The following NIF3L1 variants were observed in gnomAD, a reference collection of about 807,000 sequenced individuals.
The protein encoded by NIF3L1 is NGG1 interacting factor 3 like 1, also known as NIF3-like protein 1.
NIF3L1 carries 26 observed loss-of-function variants against 35.0 expected under a neutral mutation model. The ratio of observed to expected loss-of-function variants is 0.74; its 90% CI spans 0.54 to 1.03. NIF3L1 has a LOEUF of 1.03. Ranked by LOEUF, NIF3L1 falls within the 50% of genes least tolerant of loss-of-function variation. NIF3L1 has a pLI of 0.00. For synonymous variants in NIF3L1, 157 were observed against 178.9 expected (o/e 0.88, Z 0.98); for missense variants, 449 against 466.3 (o/e 0.96, Z 0.34).
chr2:200,893,595 G>A (rs1042457014), intron 3 of NIF3L1, among the ~76,000 whole-genome samples, 187 bp downstream of exon 3: 3 of 152,174 alleles, frequency 2.0e-5, no homozygotes, highest in Middle Eastern at 6.8e-3. Flanking sequence ...CAATAAAAAC[G>A]GTAAGTAACA....
At chr2:200,901,428 G>A (rs1464030704) in intron 6 of NIF3L1, among the ~76,000 whole-genome samples, 4 of 152,030 alleles carry the variant, frequency 2.6e-5, no homozygotes, top group Non-Finnish European at 4.4e-5. Context: ...ATAATGATAC[G>A]TGCATAAGAT....
chr2:200,899,673 T>C (rs2124897095), intron 6 of NIF3L1, among the ~76,000 whole-genome samples: 1 of 152,322 alleles, frequency 6.6e-6, no homozygotes, highest in South Asian at 2.1e-4. Flanking sequence ...ATCTCAAAAG[T>C]TAATGGTCAG....
At position 200,889,393 on chromosome 2, in the gene NIF3L1, T is replaced by C. The variant is rs1195098347; in HGVS notation, c.-286T>C. ...GACGCAGAGAAGTTTCCGGGACTGGTGAGTAGTGGGCGATTTAAAAACCCG... is the reference window on the plus strand; with the variant it reads ...GACGCAGAGAAGTTTCCGGGACTGGCGAGTAGTGGGCGATTTAAAAACCCG... On this transcript the variant is annotated 5_prime_UTR_variant, in exon 1 of 7. Transcript: ENST00000409020. 1 of 276,672 alleles carries C rather than the reference T, an allele frequency of 3.6e-6. No individual in the cohort carries two copies. Among genetic ancestry groups the C allele is most frequent in the African/African-American group, 2.2e-5 (1 of 45,178 alleles). The allele number at this position is 276,672 out of a possible 1,614,324, so 17.1% of individuals were successfully genotyped here. A position where few individuals can be genotyped will look rare whatever the true frequency, so the allele number is the denominator to read the frequency against.
intron 1 of NIF3L1, among the ~76,000 whole-genome samples, chr2:200,890,800 C>T (rs1377902904): frequency 6.6e-5 from 10 of 152,100 alleles, no homozygotes; most frequent in Admixed American, 6.5e-4. Context: ...CTTATCCCCT[C>T]CCACCTCTTG....
At chr2:200,902,345 A>G (rs2040421502) in intron 6 of NIF3L1, among the ~76,000 whole-genome samples, 1 of 152,210 alleles carries the variant, frequency 6.6e-6, no homozygotes, top group Non-Finnish European at 1.5e-5. Context: ...AGGCGGGCAG[A>G]TCACTTGAGC....
At chr2:200,901,918 C>A (rs1459304459) in intron 6 of NIF3L1, among the ~76,000 whole-genome samples, 2 of 152,082 alleles carry the variant, frequency 1.3e-5, no homozygotes, top group African/African-American at 2.4e-5. Flanking sequence ...ACTGGGCCAT[C>A]TTAGTGTCTT....
chr2:200,901,894 A>C (rs966775335), intron 6 of NIF3L1, among the ~76,000 whole-genome samples: 2 of 152,108 alleles, frequency 1.3e-5, no homozygotes, highest in South Asian at 4.2e-4. Flanking sequence ...ACCTTTCCTA[A>C]AACAAGGCTT....
At chr2:200,902,842 A>C (rs1203360513) in intron 6 of NIF3L1, among the ~76,000 whole-genome samples, 1 of 152,076 alleles carries the variant, frequency 6.6e-6, no homozygotes, top group Non-Finnish European at 1.5e-5. Flanking sequence ...TAAGAGGCAA[A>C]TTTTCTGAAG....
rs190012248 is a variant in NIF3L1, at chr2:200,903,836, G to A, written c.*158G>A. The stretch of plus-strand genomic sequence containing the variant: ...TTATTCACCAAATGTTCTATCGCTC[G>A]TAAGGTAAAACTGTAATATAACTAC... On this transcript the variant is annotated 3_prime_UTR_variant, in exon 7 of 7. Coordinates refer to ENST00000409020, the MANE Select transcript of NIF3L1 (RefSeq NM_001369441.2). 1.0e-4 allele frequency: 67 copies of A among 661,372 alleles called. No homozygotes were observed. The highest frequency in any genetic ancestry group is 8.2e-4 in the African/African-American group (46 of 55,866). The allele number at this position is 661,372 out of a possible 1,614,324, so 41.0% of individuals were successfully genotyped here. A position where few individuals can be genotyped will look rare whatever the true frequency, so the allele number is the denominator to read the frequency against.
In NIF3L1 at chr2:200,892,019, TC is replaced by T. The variant is rs1182323808; in HGVS notation, c.78del (p.Phe27SerfsTer4). 2 of 1,614,160 alleles carry T rather than the reference TC, an allele frequency of 1.2e-6. No homozygotes were observed. The highest frequency in any genetic ancestry group is 8.5e-7 in the Non-Finnish European group (1 of 1,179,974). Reference protein sequence around the residue: ...VDSLICNSSRSFMDLKALLSS... With the variant: ...VDSLICNSSRXFMDLKALLSS... The stretch of plus-strand genomic sequence containing the variant: ...TTCCCTGATCTGCAATTCTTCCCGT[TC>T]CTTCATGGATTTGAAGGCTCTCCTT... On this transcript the variant is annotated frameshift_variant, in exon 2 of 7. Coordinates refer to ENST00000409020, the MANE Select transcript of NIF3L1 (RefSeq NM_001369441.2). LOFTEE classifies it high-confidence loss of function.
At chr2:200,899,114 G>A (rs187629110) in intron 5 of NIF3L1, 92 of 306,898 alleles carry the variant, frequency 3.0e-4, no homozygotes, top group African/African-American at 1.7e-3. Context: ...GCATTGTTCC[G>A]TATTTTGCGC....
At position 200,899,365 on chromosome 2, in the gene NIF3L1, T is replaced by C; in HGVS notation, c.866-20T>C. ...AAGGGAATTGTAAAGTATTGGTCTC[T>C]TGTTTCCTCTGTTTTGAAGAGTCTC... On this transcript the variant is annotated intron_variant, in intron 5 of 6. Coordinates refer to ENST00000409020, the MANE Select transcript of NIF3L1 (RefSeq NM_001369441.2). The C allele has an allele frequency of 1.9e-6, 3 of 1,597,560 alleles. No individual in the cohort carries two copies. Among genetic ancestry groups the C allele is most frequent in the Non-Finnish European group, 8.6e-7 (1 of 1,165,478 alleles).
Position 200,897,259 on chromosome 2 carries a change from T to A in NIF3L1, c.865+45T>A, listed in dbSNP as rs1006376264. On this transcript the variant is annotated intron_variant, in intron 5 of 6. Transcript: ENST00000409020. Reference sequence around the variant, plus strand: ...CTATCCAGTATGCCTACTGTTAACATTGGACAAAGATCGAAACTCTTGGTT... The same window carrying A: ...CTATCCAGTATGCCTACTGTTAACAATGGACAAAGATCGAAACTCTTGGTT... The A allele has an allele frequency of 2.5e-6, 4 of 1,588,122 alleles. No individual in the cohort carries two copies. In the African/African-American group the frequency reaches 4.1e-5, roughly 16 times the overall value.
chr2:200,901,801 A>G (rs924140356), intron 6 of NIF3L1, among the ~76,000 whole-genome samples: 2 of 152,190 alleles, frequency 1.3e-5, no homozygotes, highest in African/African-American at 4.8e-5. Context: ...GGCTTCAGCT[A>G]TTATTGCAGG....
rs1443074469 is a variant in NIF3L1, at chr2:200,891,896, ATT to A, written c.-26-19_-26-18del. 1.4e-6 allele frequency: 2 copies of A among 1,422,748 alleles called. No homozygotes were observed. The highest frequency in any genetic ancestry group is 2.1e-5 in the Admixed American group (1 of 47,606). The allele number at this position is 1,422,748 out of a possible 1,614,324, so 88.1% of individuals were successfully genotyped here. ...CAGGCCTAAAGTATACCTGTGTACC[ATT>A]TTCTTTGTTTTGACATCAGAAACTT... On this transcript the variant is annotated intron_variant, in intron 1 of 6. Coordinates refer to ENST00000409020, the MANE Select transcript of NIF3L1 (RefSeq NM_001369441.2).
chr2:200,890,996 C>G (rs2040176896), intron 1 of NIF3L1, among the ~76,000 whole-genome samples: 2 of 146,146 alleles, frequency 1.4e-5, no homozygotes, highest in South Asian at 4.3e-4. Context: ...GTGTTGCTCT[C>G]TCGCCAGGCT....
intron 6 of NIF3L1, among the ~76,000 whole-genome samples, chr2:200,902,397 A>G (rs958338830): frequency 6.6e-6 from 1 of 152,104 alleles, no homozygotes; most frequent in Non-Finnish European, 1.5e-5. Context: ...GTGAAACCCC[A>G]TCTCTACTAA....
At chr2:200,897,337 T>A (rs970684978) in intron 5 of NIF3L1, 123 bp downstream of exon 5, 1 of 1,075,092 alleles carries the variant, frequency 9.3e-7, no homozygotes, top group African/African-American at 1.6e-5. Flanking sequence ...ATAATTGGTT[T>A]ACGTTATTGA....
Position 200,895,323 on chromosome 2 carries a change from A to G in NIF3L1, c.659A>G (p.Gln220Arg). 1 of 1,613,900 alleles carries G rather than the reference A, an allele frequency of 6.2e-7. No homozygotes were observed. The highest frequency in any genetic ancestry group is 8.5e-7 in the Non-Finnish European group (1 of 1,179,770). ...AATTGTACTCAGAAGGCTTTGATGC[A>G]GGTGGTAGATTTTCTTTCCCGGAAC... is the stretch of plus-strand genomic sequence containing the variant. ...NLNCTQKALM[Q>R]VVDFLSRNKQ... Residue 220 changes from glutamine to arginine, a missense_variant, in exon 4 of 7, where the codon CAG becomes CGG. Transcript: ENST00000409020.
Sources: allele counts gnomAD v4.1 joint callset (sites outside exome capture counted in the v4.1 genomes callset), GRCh38; gene constraint gnomAD v4.1.1; transcripts MANE v1.5; gene names NCBI Gene and HGNC (gene_info 2026-07-23, HGNC 2026-07-21).